UBE2H: variants seen among roughly 807,000 people sequenced by gnomAD.
UBE2H encodes the protein ubiquitin-conjugating enzyme E2 H.
A neutral mutation model predicts 29.0 loss-of-function variants in UBE2H; 3 were observed. The observed-to-expected ratio is 0.10, with a 90% CI of 0.05 to 0.27. The LOEUF is 0.27. UBE2H is among the 10% of genes least tolerant of loss of function. UBE2H has a pLI of 1.00. For missense variants in UBE2H, 68 were observed against 228.2 expected, an observed-to-expected ratio of 0.30 and a Z score of 4.52; for synonymous variants, 69 against 82.9, an observed-to-expected ratio of 0.83 and a Z score of 0.91.
intron 1 of UBE2H, among the ~76,000 whole-genome samples, chr7:129,930,466 C>T (rs949472609): frequency 1.3e-5 from 2 of 149,044 alleles, no homozygotes; most frequent in African/African-American, 2.5e-5. Context: ...ATGCGGTCTA[C>T]ATTCTTAAAA....
chr7:129,878,605 C>T (rs2116366618), intron 3 of UBE2H, among the ~76,000 whole-genome samples: 1 of 147,472 alleles, frequency 6.8e-6, no homozygotes, highest in Admixed American at 7.0e-5. Context: ...ATGGCGTGAA[C>T]CCAGGAGGCG....
At chr7:129,919,100 T>TAAAAAAAAAAAAAAAAAA (rs1204331286) in intron 1 of UBE2H, among the ~76,000 whole-genome samples, 19 of 72,088 alleles carry the variant, frequency 2.6e-4, no homozygotes, top group Admixed American at 5.1e-4. Context: ...AAAAACAAAG[T>TAAAAAAAAAAAAAAAAAA]AAAAAAAAAA....
At chr7:129,856,946 T>C (rs1805716121) in intron 5 of UBE2H, 1 of 152,224 alleles carries the variant, frequency 6.6e-6, no homozygotes, top group African/African-American at 2.4e-5. Context: ...GGCCTGATGC[T>C]CTTTATAACT....
At position 129,881,627 on chromosome 7, in the gene UBE2H, G is replaced by GA. The variant is rs1312860651; in HGVS notation, c.54-657dup. Reference sequence around the variant, plus strand: ...CACATCACTGCACTCCAGCCTGGGTGATAGGGTGAGACTCAGTCTCAAAAA... The same window carrying GA: ...CACATCACTGCACTCCAGCCTGGGTGAATAGGGTGAGACTCAGTCTCAAAAA... On this transcript the variant is annotated intron_variant, in intron 1 of 6. Transcript: ENST00000355621. Among the ~76,000 whole-genome samples the GA allele has an allele frequency of 3.3e-5, 5 of 152,160 alleles. No homozygotes were observed. In the East Asian group the frequency reaches 7.7e-4, roughly 24 times the overall value.
chr7:129,892,808 A>C (rs1380353173), intron 1 of UBE2H, among the ~76,000 whole-genome samples: 1 of 152,182 alleles, frequency 6.6e-6, no homozygotes, highest in Non-Finnish European at 1.5e-5. Context: ...GTAGGCTAGA[A>C]AAATCAGATA....
intron 1 of UBE2H, among the ~76,000 whole-genome samples, chr7:129,894,149 C>G (rs1431516759): frequency 1.3e-5 from 2 of 151,922 alleles, no homozygotes; most frequent in East Asian, 3.9e-4. Flanking sequence ...GACTCTGTCT[C>G]AAAAAAATAA....
At chr7:129,914,636 C>G (rs1222617207) in intron 1 of UBE2H, among the ~76,000 whole-genome samples, 1 of 152,234 alleles carries the variant, frequency 6.6e-6, no homozygotes, top group Non-Finnish European at 1.5e-5. Flanking sequence ...GGTTTGAGTT[C>G]TGGTTTCAAC....
intron 1 of UBE2H, among the ~76,000 whole-genome samples, chr7:129,900,912 G>A (rs914090595): frequency 1.3e-5 from 2 of 151,778 alleles, no homozygotes; most frequent in South Asian, 4.2e-4. Flanking sequence ...CACCACGCCC[G>A]GCTAATTTTT....
chr7:129,951,501 T>C (rs74515893), intron 1 of UBE2H, among the ~76,000 whole-genome samples: 1 of 151,780 alleles, frequency 6.6e-6, no homozygotes, highest in African/African-American at 2.4e-5. Context: ...AAAAAAAAAT[T>C]CTCGATTTGT....
chr7:129,940,054 T>C (rs187526887), intron 1 of UBE2H, among the ~76,000 whole-genome samples: 170 of 152,294 alleles, frequency 1.1e-3, no homozygotes, highest in African/African-American at 3.7e-3. Context: ...ATTTACTTTT[T>C]GCTAGGCTAA....
intron 1 of UBE2H, among the ~76,000 whole-genome samples, chr7:129,936,681 G>A (rs1807535563): frequency 1.3e-5 from 2 of 151,622 alleles, no homozygotes; most frequent in South Asian, 2.1e-4. Context: ...TTCAGGCCAC[G>A]TGCAGTGGCT....
intron 1 of UBE2H, among the ~76,000 whole-genome samples, chr7:129,940,776 G>A (rs1372228491): frequency 6.6e-6 from 1 of 152,182 alleles, no homozygotes. Context: ...AGCATCTGGT[G>A]AGGTACAGAG....
intron 1 of UBE2H, among the ~76,000 whole-genome samples, chr7:129,934,206 T>C (rs1048971260): frequency 6.6e-6 from 1 of 151,980 alleles, no homozygotes; most frequent in African/African-American, 2.4e-5. Context: ...ACTGTACTCC[T>C]AGCTACTCAG....
chr7:129,874,560 C>T (rs1806107304), intron 3 of UBE2H, among the ~76,000 whole-genome samples: 1 of 152,294 alleles, frequency 6.6e-6, no homozygotes, highest in African/African-American at 2.4e-5. Context: ...CCACCCGCCT[C>T]GGCCTCCCAA....
Position 129,838,308 on chromosome 7 carries a change from T to C in UBE2H, c.427+899A>G, listed in dbSNP as rs1437193549. On this transcript the variant is annotated intron_variant, in intron 6 of 6. Transcript: ENST00000355621. ...GCTATTGTTTCATGAATAGTCCCTG[T>C]TTGCCTCATACCTGCACATTTCAGA... Among the ~76,000 whole-genome samples, 4 of 152,226 alleles carry C rather than the reference T, an allele frequency of 2.6e-5. No homozygotes were observed. In the East Asian group the frequency reaches 7.7e-4, roughly 29 times the overall value.
chr7:129,946,482 A>G (rs548994028), intron 1 of UBE2H, among the ~76,000 whole-genome samples: 9 of 152,324 alleles, frequency 5.9e-5, no homozygotes, highest in African/African-American at 2.2e-4. Context: ...AAGATATAGG[A>G]AAAAAGCCAT....
chr7:129,935,430 A>C (rs952921373), intron 1 of UBE2H, among the ~76,000 whole-genome samples: 6 of 150,748 alleles, frequency 4.0e-5, no homozygotes, highest in African/African-American at 1.2e-4. Context: ...AAAAAAAAAA[A>C]CAGAAAAGAA....
At chr7:129,949,293 G>C (rs1807828434) in intron 1 of UBE2H, among the ~76,000 whole-genome samples, 1 of 152,200 alleles carries the variant, frequency 6.6e-6, no homozygotes, top group African/African-American at 2.4e-5. Flanking sequence ...TAAATAATCA[G>C]CTGGTTGGAG....
intron 6 of UBE2H, among the ~76,000 whole-genome samples, chr7:129,836,903 A>AAAAAAAAAAAAAAAT (rs1281394396): frequency 7.8e-6 from 1 of 128,514 alleles, no homozygotes; most frequent in Non-Finnish European, 1.7e-5. Context: ...AAAAAAAAAA[A>AAAAAAAAAAAAAAAT]AAAAAAAAGG....
Sources: allele counts gnomAD v4.1 joint callset (sites outside exome capture counted in the v4.1 genomes callset), GRCh38; gene constraint gnomAD v4.1.1; transcripts MANE v1.5; gene names NCBI Gene and HGNC (gene_info 2026-07-23, HGNC 2026-07-21).